The following SAXO2 variants were observed in gnomAD, a reference collection of about 807,000 sequenced individuals.
SAXO2 encodes the protein family with sequence similarity 154, member B.
A neutral mutation model predicts 18.7 loss-of-function variants in SAXO2; 17 were observed. The ratio of observed to expected loss-of-function variants is 0.91; its 90% confidence interval spans 0.62 to 1.36. SAXO2 has a LOEUF of 1.36. Among genes scored for constraint, SAXO2 ranks in the 40% most tolerant of loss-of-function variants. The probability of loss-of-function intolerance (pLI) is 0.00; values close to 1 mark genes in which losing one functional copy is unlikely to be tolerated. For synonymous variants in SAXO2, 163 were observed against 181.2 expected (o/e 0.90, Z 0.81); for missense variants, 486 against 562.6 (o/e 0.86, Z 1.38).
At chr15:82,272,102 CTT>C (rs1421280997) in intron 3 of SAXO2, 3 of 303,578 alleles carry the variant, frequency 9.9e-6, no homozygotes, top group African/African-American at 6.5e-5. Flanking sequence ...ACATTTGTCA[CTT>C]TGTGTCACAT....
chr15:82,262,933 G>C lies in SAXO2; in HGVS notation c.53+1G>C. 6.2e-7 allele frequency: 1 copy of C among 1,604,254 alleles called. No individual in the cohort carries two copies. The highest frequency in any genetic ancestry group is 8.5e-7 in the Non-Finnish European group (1 of 1,175,314). On this transcript the variant is annotated splice_donor_variant, in intron 1 of 3. Transcript: ENST00000682753. LOFTEE classifies it high-confidence loss of function. The stretch of plus-strand genomic sequence containing the variant: ...GTCTGTGTCAGATTTGTAGCTGCGG[G>C]TAAGAAACGGCTGGTGTAGCGGCGG...
intron 3 of SAXO2, among the ~76,000 whole-genome samples, chr15:82,275,288 A>C (rs1030009011): frequency 6.8e-5 from 10 of 148,064 alleles, no homozygotes; most frequent in African/African-American, 2.5e-4. Context: ...AACCAAAAAA[A>C]AAAAAAAAAA....
At chr15:82,269,232 A>T (rs2075247794) in intron 2 of SAXO2, among the ~76,000 whole-genome samples, 1 of 152,238 alleles carries the variant, frequency 6.6e-6, no homozygotes, top group African/African-American at 2.4e-5. Context: ...TGCAACAGTG[A>T]TAAAATCTAT....
chr15:82,268,868 C>T (rs1417089626), intron 2 of SAXO2, among the ~76,000 whole-genome samples: 1 of 152,178 alleles, frequency 6.6e-6, no homozygotes, highest in East Asian at 1.9e-4. Flanking sequence ...GGTTTGGAGG[C>T]ATACTTTCTG....
chr15:82,270,093 A>G (rs1444174443), intron 2 of SAXO2, among the ~76,000 whole-genome samples: 2 of 152,236 alleles, frequency 1.3e-5, no homozygotes, highest in East Asian at 3.8e-4. Flanking sequence ...AGATACTGGT[A>G]TGAAGCTCAC....
chr15:82,266,566 G>T (rs576572997), intron 2 of SAXO2, among the ~76,000 whole-genome samples: 1 of 151,980 alleles, frequency 6.6e-6, no homozygotes, highest in South Asian at 2.1e-4. Flanking sequence ...TCATTTCCTT[G>T]AAAGTGCCAG....
chr15:82,282,025 A>G, intron 3 of SAXO2, 94 bp from the exon 4 acceptor site: 1 of 935,326 alleles, frequency 1.1e-6, no homozygotes, highest in Non-Finnish European at 1.6e-6. Context: ...AAATGGAAAG[A>G]TGTTTGGCAA....
chr15:82,272,970 A>T (rs574174108), intron 3 of SAXO2, among the ~76,000 whole-genome samples: 70 of 151,892 alleles, frequency 4.6e-4, no homozygotes, highest in African/African-American at 1.5e-3. Context: ...TAGTGGCGCA[A>T]TCTTGGCTCA....
At position 82,282,474 on chromosome 15, in the gene SAXO2, C is replaced by T. The variant is rs754043810; in HGVS notation, c.789C>T (p.His263=). 1.2e-6 allele frequency: 2 copies of T among 1,614,186 alleles called. No individual in the cohort carries two copies. Among genetic ancestry groups the T allele is most frequent in the Admixed American group, 3.3e-5 (2 of 60,030 alleles). The part of the protein sequence containing the change: ...GETAKLCRPV[H]TRVTQNALFE... ...CTGCAAAACTCTGCAGACCTGTACA[C>T]ACCAGAGTGACCCAGAATGCTCTGT... Residue 263 remains histidine (H), a synonymous_variant, in exon 4 of 4, where the codon CAC becomes CAT. Transcript: ENST00000682753.
At position 82,282,764 on chromosome 15, in the gene SAXO2, T is replaced by A. The variant is rs1241069848; in HGVS notation, c.1079T>A (p.Ile360Asn). 6.2e-7 allele frequency: 1 copy of A among 1,614,196 alleles called. No individual in the cohort carries two copies. The highest frequency in any genetic ancestry group is 8.5e-7 in the Non-Finnish European group (1 of 1,180,018). Residue 360 changes from isoleucine to asparagine, a missense_variant, in exon 4 of 4, where the codon ATT (isoleucine) becomes AAT (asparagine). Ile to Asn is a moderately radical substitution (Grantham distance 149). Coordinates refer to ENST00000682753, the MANE Select transcript of SAXO2 (RefSeq NM_001348699.2). The part of the protein sequence containing the change: ...PAWESCRQGL[I>N]KKQQQIPNPS... ...TGGGAAAGTTGTCGTCAAGGACTTA[T>A]TAAGAAGCAGCAGCAGATTCCCAAC... is the stretch of plus-strand genomic sequence containing the variant.
At chr15:82,271,563 A>G in intron 2 of SAXO2, 40 bp from the exon 3 acceptor site, 1 of 1,497,192 alleles carries the variant, frequency 6.7e-7, no homozygotes, top group South Asian at 1.3e-5. Context: ...TTAGGAATAA[A>G]AGAACTTGTG....
intron 2 of SAXO2, among the ~76,000 whole-genome samples, chr15:82,266,530 T>C (rs1026129352): frequency 6.6e-6 from 1 of 152,224 alleles, no homozygotes; most frequent in African/African-American, 2.4e-5. Context: ...TTTCACTCTT[T>C]TATGCTCCAT....
chr15:82,267,702 A>G (rs1170411936), intron 2 of SAXO2, among the ~76,000 whole-genome samples: 1 of 152,230 alleles, frequency 6.6e-6, no homozygotes, highest in East Asian at 1.9e-4. Context: ...TTAACATTTC[A>G]GGCATTCCTT....
intron 2 of SAXO2, among the ~76,000 whole-genome samples, chr15:82,270,756 G>A (rs1333001519): frequency 1.3e-5 from 2 of 152,168 alleles, no homozygotes; most frequent in Admixed American, 6.5e-5. Flanking sequence ...CAAAGCATGT[G>A]TGTATATCCT....
At chr15:82,265,421 C>T (rs2075207233) in intron 1 of SAXO2, 148 bp from the exon 2 acceptor site, 3 of 391,834 alleles carry the variant, frequency 7.7e-6, no homozygotes, top group Non-Finnish European at 1.2e-5. Flanking sequence ...AGATTACAGG[C>T]GTGAGCCACT....
chr15:82,276,424 A>T (rs192100084), intron 3 of SAXO2, among the ~76,000 whole-genome samples: 2 of 152,226 alleles, frequency 1.3e-5, no homozygotes, highest in Non-Finnish European at 2.9e-5. Context: ...AAAGAATAAA[A>T]CCAGAGGCAT....
chr15:82,264,824 G>T, intron 1 of SAXO2: 1 of 688,736 alleles, frequency 1.5e-6, no homozygotes, highest in South Asian at 1.5e-5. Flanking sequence ...ACAACTTCTA[G>T]CTCCAATCTC....
intron 3 of SAXO2, 56 bp downstream of exon 3, chr15:82,271,858 T>C: frequency 7.0e-7 from 1 of 1,420,102 alleles, no homozygotes; most frequent in South Asian, 1.2e-5. Context: ...ACTTCCAGCT[T>C]TAACATCTAA....
chr15:82,271,978 A>G (rs2075276321), intron 3 of SAXO2, 176 bp downstream of exon 3: 2 of 551,350 alleles, frequency 3.6e-6, no homozygotes, highest in South Asian at 2.8e-5. Context: ...AAAATAGGCC[A>G]TTTGTCTGAT....
Sources: allele counts gnomAD v4.1 joint callset (sites outside exome capture counted in the v4.1 genomes callset), GRCh38; gene constraint gnomAD v4.1.1; transcripts MANE v1.5; gene names NCBI Gene and HGNC (gene_info 2026-07-23, HGNC 2026-07-21).